The following LRRTM4 variants were observed in gnomAD, a reference collection of about 807,000 sequenced individuals.
The protein encoded by LRRTM4 is leucine rich repeat transmembrane neuronal 4.
A neutral mutation model predicts 47.6 loss-of-function variants in LRRTM4; 25 were observed. The observed-to-expected ratio is 0.53, with a 90% confidence interval of 0.38 to 0.73. The LOEUF (loss-of-function observed/expected upper bound fraction) is 0.73, where lower values mean the gene tolerates loss of function less well. LRRTM4 is among the 30% of genes least tolerant of loss of function. The pLI, the probability that LRRTM4 is intolerant of heterozygous loss-of-function variation, is 0.00. For synonymous variants in LRRTM4, 311 were observed against 269.5 expected (o/e 1.15, Z -1.51); for missense variants, 638 against 713.4 (o/e 0.89, Z 1.20).
chr2:77,294,353 C>A (rs76175953), intron 3 of LRRTM4, among the ~76,000 whole-genome samples: 4,780 of 151,932 alleles, frequency 0.031, 256 homozygotes, highest in African/African-American at 0.11. Context: ...TTTTATTTCC[C>A]TGCTAAACAA....
At chr2:76,795,594 C>CATACATACATATATAT (rs59362311) in intron 3 of LRRTM4, among the ~76,000 whole-genome samples, 2 of 151,598 alleles carry the variant, frequency 1.3e-5, no homozygotes, top group African/African-American at 2.4e-5. Flanking sequence ...CACACACATA[C>CATACATACATATATAT]ACACACACTA....
At chr2:77,441,268 T>G (rs906517605) in intron 3 of LRRTM4, among the ~76,000 whole-genome samples, 2 of 152,218 alleles carry the variant, frequency 1.3e-5, no homozygotes, top group Non-Finnish European at 2.9e-5. Flanking sequence ...TAAATGTTTT[T>G]AATTATGCAG....
chr2:76,750,739 T>G (rs1672823572), intron 3 of LRRTM4, among the ~76,000 whole-genome samples: 1 of 152,170 alleles, frequency 6.6e-6, no homozygotes, highest in African/African-American at 2.4e-5. Flanking sequence ...TAAAACTAGC[T>G]CTAGTATTTT....
At chr2:76,951,671 T>G (rs948610811) in intron 3 of LRRTM4, among the ~76,000 whole-genome samples, 1 of 151,938 alleles carries the variant, frequency 6.6e-6, no homozygotes, top group Non-Finnish European at 1.5e-5. Flanking sequence ...ACATGCAGGT[T>G]TGTTACATAG....
intron 3 of LRRTM4, among the ~76,000 whole-genome samples, chr2:76,993,045 G>A (rs114253024): frequency 0.016 from 2,367 of 151,750 alleles, 78 homozygotes; most frequent in African/African-American, 0.054. Context: ...GTCAATAACT[G>A]GTGCTTGGAT....
intron 3 of LRRTM4, among the ~76,000 whole-genome samples, chr2:77,298,819 T>A (rs1461575695): frequency 6.6e-6 from 1 of 152,178 alleles, no homozygotes; most frequent in Non-Finnish European, 1.5e-5. Flanking sequence ...ATAAAAGCAA[T>A]GCTATTTTCT....
At chr2:76,793,818 T>C (rs996701447) in intron 3 of LRRTM4, among the ~76,000 whole-genome samples, 1 of 152,204 alleles carries the variant, frequency 6.6e-6, no homozygotes, top group Non-Finnish European at 1.5e-5. Context: ...CTCAGACCTC[T>C]GAGAAACAAA....
intron 3 of LRRTM4, among the ~76,000 whole-genome samples, chr2:77,288,987 C>T (rs10170090): frequency 6.6e-6 from 1 of 151,896 alleles, no homozygotes; most frequent in Non-Finnish European, 1.5e-5. Context: ...ACAGTTTGCC[C>T]TTTGCAATAT....
At chr2:76,987,172 A>G (rs545985088) in intron 3 of LRRTM4, among the ~76,000 whole-genome samples, 10 of 151,870 alleles carry the variant, frequency 6.6e-5, no homozygotes, top group African/African-American at 2.4e-4. Flanking sequence ...AGTATTATTA[A>G]TTTTTATATT....
intron 3 of LRRTM4, among the ~76,000 whole-genome samples, chr2:76,801,427 CAG>C (rs1675674945): frequency 6.6e-6 from 1 of 152,016 alleles, no homozygotes; most frequent in South Asian, 2.1e-4. Context: ...AAAAACCAAA[CAG>C]CGCATATTCT....
chr2:77,312,605 A>G (rs1268870235), intron 3 of LRRTM4, among the ~76,000 whole-genome samples: 1 of 152,108 alleles, frequency 6.6e-6, no homozygotes, highest in African/African-American at 2.4e-5. Context: ...ATAATTACGT[A>G]TTTGGTTCTT....
intron 3 of LRRTM4, among the ~76,000 whole-genome samples, chr2:77,438,187 T>C (rs1675678251): frequency 6.6e-6 from 1 of 152,140 alleles, no homozygotes; most frequent in African/African-American, 2.4e-5. Context: ...AGTAAAGCAG[T>C]AAATCAGGTT....
At chr2:77,011,161 G>T (rs1677857197) in intron 3 of LRRTM4, among the ~76,000 whole-genome samples, 2 of 151,936 alleles carry the variant, frequency 1.3e-5, no homozygotes, top group Non-Finnish European at 2.9e-5. Flanking sequence ...TAAAAAGAAA[G>T]AGATAAAAAT....
At chr2:77,257,649 C>A (rs1268194653) in intron 3 of LRRTM4, among the ~76,000 whole-genome samples, 2 of 151,424 alleles carry the variant, frequency 1.3e-5, no homozygotes, top group Non-Finnish European at 2.9e-5. Context: ...AAGTTATAGA[C>A]CGAGAGAAAA....
chr2:77,334,940 A>G (rs904441970), intron 3 of LRRTM4, among the ~76,000 whole-genome samples: 1 of 152,174 alleles, frequency 6.6e-6, no homozygotes, highest in African/African-American at 2.4e-5. Flanking sequence ...TTGTATGCCT[A>G]GCATATGATA....
intron 3 of LRRTM4, among the ~76,000 whole-genome samples, chr2:77,280,134 G>A (rs759361016): frequency 5.9e-5 from 9 of 152,014 alleles, no homozygotes; most frequent in Non-Finnish European, 1.3e-4. Context: ...GGGAACAGAA[G>A]TCAGGGGAAA....
intron 3 of LRRTM4, among the ~76,000 whole-genome samples, chr2:77,142,997 T>C: frequency 6.6e-6 from 1 of 152,192 alleles, no homozygotes; most frequent in Non-Finnish European, 1.5e-5. Flanking sequence ...GAATTATCTG[T>C]TCTCACATTT....
intron 3 of LRRTM4, among the ~76,000 whole-genome samples, chr2:76,946,049 A>G (rs1440498589): frequency 6.6e-6 from 1 of 151,848 alleles, no homozygotes; most frequent in African/African-American, 2.4e-5. Context: ...CATTTTGCCA[A>G]GTTTCATACA....
At chr2:76,760,848 C>A (rs1004801785) in intron 3 of LRRTM4, among the ~76,000 whole-genome samples, 9 of 152,150 alleles carry the variant, frequency 5.9e-5, no homozygotes, top group African/African-American at 1.2e-4. Flanking sequence ...AACAAAACAA[C>A]CCCTGCCACC....
Sources: allele counts gnomAD v4.1 joint callset (sites outside exome capture counted in the v4.1 genomes callset), GRCh38; gene constraint gnomAD v4.1.1; transcripts MANE v1.5; gene names NCBI Gene and HGNC (gene_info 2026-07-23, HGNC 2026-07-21).